The following WARS2 variants were observed in gnomAD, a reference collection of about 807,000 sequenced individuals.
WARS2 encodes the protein tryptophanyl tRNA synthetase 2, mitochondrial.
A neutral mutation model predicts 36.5 loss-of-function variants in WARS2; 28 were observed. The ratio of observed to expected loss-of-function variants is 0.77; its 90% CI spans 0.57 to 1.05. The LOEUF is 1.05. WARS2 is among the 50% of genes least tolerant of loss of function. The pLI is 0.00. For synonymous variants in WARS2, 174 were observed against 178.4 expected, an observed-to-expected ratio of 0.98 and a Z score of 0.20; for missense variants, 435 against 456.8, an observed-to-expected ratio of 0.95 and a Z score of 0.44.
At chr1:119,059,152 G>A (rs959503052) in intron 2 of WARS2, among the ~76,000 whole-genome samples, 7 of 151,386 alleles carry the variant, frequency 4.6e-5, no homozygotes, top group African/African-American at 1.7e-4. Flanking sequence ...TTTTTGATGG[G>A]GTTGTTTTTT....
chr1:119,122,584 T>G (rs1367034971), intron 1 of WARS2, among the ~76,000 whole-genome samples: 2 of 152,130 alleles, frequency 1.3e-5, no homozygotes, highest in Non-Finnish European at 2.9e-5. Flanking sequence ...GAAAAAGATA[T>G]GTAGACACAC....
chr1:119,090,948 G>T (rs1357811542), intron 1 of WARS2, among the ~76,000 whole-genome samples: 1 of 152,036 alleles, frequency 6.6e-6, no homozygotes, highest in Non-Finnish European at 1.5e-5. Flanking sequence ...TGAATTAGTT[G>T]ATATGTAACT....
At chr1:119,045,753 G>T in intron 2 of WARS2, 91 bp from the exon 3 acceptor site, 1 of 1,009,142 alleles carries the variant, frequency 9.9e-7, no homozygotes. Flanking sequence ...CTAAATGTCT[G>T]AAAATACCCC....
intron 1 of WARS2, among the ~76,000 whole-genome samples, chr1:119,079,890 A>G (rs1652056821): frequency 6.6e-6 from 1 of 152,170 alleles, no homozygotes; most frequent in Admixed American, 6.6e-5. Context: ...ACAAACACAC[A>G]CATAAAAGGC....
chr1:119,072,032 C>G (rs587658953), intron 2 of WARS2, among the ~76,000 whole-genome samples: 1 of 152,220 alleles, frequency 6.6e-6, no homozygotes, highest in South Asian at 2.1e-4. Flanking sequence ...AAGTCATCAC[C>G]ATGATGATCT....
At chr1:119,125,401 A>C (rs764745346) in intron 1 of WARS2, among the ~76,000 whole-genome samples, 1 of 152,184 alleles carries the variant, frequency 6.6e-6, no homozygotes, top group Non-Finnish European at 1.5e-5. Flanking sequence ...TATCTAACAT[A>C]CTATATATCT....
At chr1:119,081,343 A>C (rs986705797) in intron 1 of WARS2, among the ~76,000 whole-genome samples, 3 of 152,232 alleles carry the variant, frequency 2.0e-5, no homozygotes, top group Non-Finnish European at 4.4e-5. Flanking sequence ...CATCAAAAGA[A>C]GGCTGCCTAC....
chr1:119,094,541 A>G (rs1653280920), intron 1 of WARS2, among the ~76,000 whole-genome samples: 1 of 152,160 alleles, frequency 6.6e-6, no homozygotes, highest in African/African-American at 2.4e-5. Context: ...AGCTCTTTAT[A>G]AAAACTTCTA....
intron 1 of WARS2, among the ~76,000 whole-genome samples, chr1:119,097,108 G>A (rs1653496636): frequency 6.6e-6 from 1 of 152,206 alleles, no homozygotes; most frequent in Non-Finnish European, 1.5e-5. Flanking sequence ...GTGGAACAGA[G>A]CTGTTTTGTG....
intron 1 of WARS2, among the ~76,000 whole-genome samples, chr1:119,088,837 T>C (rs1394038020): frequency 2.0e-5 from 3 of 152,182 alleles, no homozygotes; most frequent in Non-Finnish European, 4.4e-5. Context: ...CAGTAATGGA[T>C]TGGAGACAAA....
chr1:119,053,479 A>AATTG (rs1649534162), intron 2 of WARS2, among the ~76,000 whole-genome samples: 1 of 152,174 alleles, frequency 6.6e-6, no homozygotes, highest in African/African-American at 2.4e-5. Context: ...AAAATAAGAG[A>AATTG]ATTGACCTGT....
chr1:119,045,853 C>A (rs1054631062), intron 2 of WARS2, among the ~76,000 whole-genome samples, 191 bp from the exon 3 acceptor site: 1 of 152,130 alleles, frequency 6.6e-6, no homozygotes, highest in African/African-American at 2.4e-5. Context: ...ATCATACAAG[C>A]TAACTGATTT....
At chr1:119,071,083 T>C (rs1237660466) in intron 2 of WARS2, among the ~76,000 whole-genome samples, 2 of 152,124 alleles carry the variant, frequency 1.3e-5, no homozygotes, top group Non-Finnish European at 2.9e-5. Context: ...CTTGGGAGGC[T>C]GAGGCAGGAG....
chr1:119,054,814 G>A (rs1649639173), intron 2 of WARS2, among the ~76,000 whole-genome samples: 1 of 152,140 alleles, frequency 6.6e-6, no homozygotes, highest in South Asian at 2.1e-4. Flanking sequence ...GACCAATATT[G>A]TATGATTTAT....
rs912906954 is a variant in WARS2 at position 119,112,000 on chromosome 1, G to A, written c.90+28555C>T. 1.3e-4 allele frequency among the ~76,000 whole-genome samples: 20 copies of A among 151,796 alleles called. 1 individual carries two copies. Among genetic ancestry groups the A allele is most frequent in the African/African-American group, 2.4e-5 (1 of 41,290 alleles). ...TGCAGTGGTGCGATCTTGGCTCACTGCAACCTCCACCTTCTGGGTTCAAGC... is the reference window on the plus strand; with the variant it reads ...TGCAGTGGTGCGATCTTGGCTCACTACAACCTCCACCTTCTGGGTTCAAGC... On this transcript the variant is annotated intron_variant, in intron 1 of 5. Coordinates refer to ENST00000235521, the MANE Select transcript of WARS2 (RefSeq NM_015836.4).
intron 1 of WARS2, among the ~76,000 whole-genome samples, chr1:119,138,189 T>C (rs1656649373): frequency 6.6e-6 from 1 of 152,218 alleles, no homozygotes; most frequent in Non-Finnish European, 1.5e-5. Context: ...CTAATGCATC[T>C]GGTTTAAGAA....
chr1:119,093,923 G>A (rs1402622721), intron 1 of WARS2, among the ~76,000 whole-genome samples: 4 of 152,146 alleles, frequency 2.6e-5, no homozygotes, highest in Admixed American at 2.6e-4. Flanking sequence ...GCAAGACCTG[G>A]GGCAATGCAG....
Position 119,032,823 on chromosome 1 carries a change from TA to T in WARS2, c.*87del. The T allele has an allele frequency of 7.8e-7, 1 of 1,283,484 alleles. No homozygotes were observed. Among genetic ancestry groups the T allele is most frequent in the Admixed American group, 2.5e-5 (1 of 40,808 alleles). The allele number at this position is 1,283,484 out of a possible 1,614,324, so 79.5% of individuals were successfully genotyped here. A position where few individuals can be genotyped will look rare whatever the true frequency, so the allele number is the denominator to read the frequency against. On this transcript the variant is annotated 3_prime_UTR_variant, in exon 6 of 6. Transcript: ENST00000235521. ...TATACCAAATTAAATGTCCCAAAAC[TA>T]TAACTTTTTCTTTTTAGGAAAGCTG...
intron 1 of WARS2, among the ~76,000 whole-genome samples, chr1:119,104,104 C>T (rs951397710): frequency 6.6e-6 from 1 of 151,366 alleles, no homozygotes; most frequent in African/African-American, 2.4e-5. Context: ...TAGGCATGAG[C>T]CACTGAGCCA....
Sources: allele counts gnomAD v4.1 joint callset (sites outside exome capture counted in the v4.1 genomes callset), GRCh38; gene constraint gnomAD v4.1.1; transcripts MANE v1.5; gene names NCBI Gene and HGNC (gene_info 2026-07-23, HGNC 2026-07-21).